Variants in RSRP1 observed in about 807,000 individuals in gnomAD.
RSRP1 encodes arginine and serine rich protein 1, also known as arginine/serine-rich protein 1.
RSRP1 carries 37 observed loss-of-function variants against 33.0 expected under a neutral mutation model. The observed-to-expected ratio is 1.12, with a 90% CI of 0.86 to 1.48. The LOEUF (loss-of-function observed/expected upper bound fraction) is 1.48. Among genes scored for constraint, RSRP1 ranks in the 40% most tolerant of loss-of-function variants. RSRP1 has a pLI of 0.00. For synonymous variants in RSRP1, 167 were observed against 158.7 expected (o/e 1.05, Z -0.40); for missense variants, 402 against 385.3 (o/e 1.04, Z -0.36).
At chr1:25,313,625 C>T (rs904487041) in intron 1 of RSRP1, among the ~76,000 whole-genome samples, 1 of 131,926 alleles carries the variant, frequency 7.6e-6, no homozygotes, top group Non-Finnish European at 1.8e-5. Context: ...AGAGGCAGAA[C>T]ACGTCATGCA....
chr1:25,255,302 G>A (rs771514798), intron 1 of RSRP1, among the ~76,000 whole-genome samples: 22 of 152,076 alleles, frequency 1.4e-4, no homozygotes, highest in Middle Eastern at 6.8e-3. Flanking sequence ...ATCCTTTCAC[G>A]GCCTCTACTT....
chr1:25,243,895 G>A (rs1490116626), intron 3 of RSRP1: 2 of 1,207,112 alleles, frequency 1.7e-6, no homozygotes, highest in African/African-American at 3.1e-5. Context: ...TTCTCAGGTT[G>A]AATCAAGTTC....
At chr1:25,260,830 C>G (rs1292748264) in intron 1 of RSRP1, among the ~76,000 whole-genome samples, 5 of 151,218 alleles carry the variant, frequency 3.3e-5, no homozygotes, top group Non-Finnish European at 7.4e-5. Flanking sequence ...CAGAGTCTCG[C>G]TCTATCGCCC....
chr1:25,244,084 CG>C, intron 3 of RSRP1: 1 of 1,206,574 alleles, frequency 8.3e-7, no homozygotes, highest in Non-Finnish European at 1.0e-6. Context: ...GCCCCCGAGA[CG>C]GGAGTCTTGC....
Position 25,331,857 on chromosome 1 carries a change from A to G in RSRP1, c.-67+6121T>C, listed in dbSNP as rs1645017405. ...CGGGTTCACGCCATTCTCCTGCCTC[A>G]GCCTCCGGAGTAGCTGGGACTACAG... On this transcript the variant is annotated intron_variant, in intron 1 of 1. Coordinates refer to the RSRP1 transcript ENST00000561867. 1.7e-5 allele frequency among the ~76,000 whole-genome samples: 2 copies of G among 120,178 alleles called. 1 individual carries two copies. Among genetic ancestry groups the G allele is most frequent in the African/African-American group, 5.7e-5 (2 of 35,072 alleles). 78.8% of individuals were successfully genotyped at this position (120,178 alleles called of 152,430 possible). A position where few individuals can be genotyped will look rare whatever the true frequency, so the allele number is the denominator to read the frequency against.
At chr1:25,286,208 G>T (rs759946608) in intron 1 of RSRP1, among the ~76,000 whole-genome samples, 1 of 135,560 alleles carries the variant, frequency 7.4e-6, no homozygotes, top group Non-Finnish European at 1.8e-5. Flanking sequence ...AGGTTTAGAG[G>T]CTGGGCATGG....
intron 1 of RSRP1, among the ~76,000 whole-genome samples, chr1:25,332,242 G>A (rs1645028714): frequency 7.9e-6 from 1 of 126,486 alleles, no homozygotes; most frequent in African/African-American, 2.7e-5. Context: ...TCACCATGTT[G>A]GCCAGGATGG....
chr1:25,312,950 A>AAAC (rs1644241297), intron 1 of RSRP1, among the ~76,000 whole-genome samples: 2 of 111,966 alleles, frequency 1.8e-5, no homozygotes, highest in African/African-American at 5.8e-5. Context: ...AAAAAAAAAA[A>AAAC]AAAAACTTTA....
chr1:25,309,360 C>G (rs1355258587), intron 1 of RSRP1, among the ~76,000 whole-genome samples: 3 of 131,276 alleles, frequency 2.3e-5, no homozygotes, highest in African/African-American at 7.9e-5. Context: ...CTGAGAATCT[C>G]TGCACCCTTC....
chr1:25,316,616 CAGA>C (rs1457024190), intron 1 of RSRP1, among the ~76,000 whole-genome samples: 1 of 43,148 alleles, frequency 2.3e-5, no homozygotes, highest in African/African-American at 7.7e-5. Context: ...CAAACAAAAA[CAGA>C]AAAAAAAAAA....
chr1:25,333,112 C>T lies in RSRP1; in HGVS notation c.-67+4866G>A, dbSNP rs1189936134. Among the ~76,000 whole-genome samples, 2 of 132,426 alleles carry T rather than the reference C, an allele frequency of 1.5e-5. 1 individual carries two copies. Among genetic ancestry groups the T allele is most frequent in the African/African-American group, 5.2e-5 (2 of 38,690 alleles). The allele number at this position is 132,426 out of a possible 152,430, so 86.9% of individuals were successfully genotyped here. A position where few individuals can be genotyped will look rare whatever the true frequency, so the allele number is the denominator to read the frequency against. On this transcript the variant is annotated intron_variant, in intron 1 of 1. Transcript: ENST00000561867. Reference sequence around the variant, plus strand: ...GCAGGAATGGAAGCGTGTATTCCAGCTCCAAGAGAGTAAGACCAATTTGCC... The same window carrying T: ...GCAGGAATGGAAGCGTGTATTCCAGTTCCAAGAGAGTAAGACCAATTTGCC...
At chr1:25,298,718 G>A (rs1643135742) in intron 1 of RSRP1, among the ~76,000 whole-genome samples, 1 of 131,456 alleles carries the variant, frequency 7.6e-6, no homozygotes, top group South Asian at 2.3e-4. Context: ...CTATATACCA[G>A]GGACTCTTGT....
chr1:25,254,792 CA>C (rs1639898240), intron 1 of RSRP1, among the ~76,000 whole-genome samples: 1 of 152,052 alleles, frequency 6.6e-6, no homozygotes, highest in Admixed American at 6.5e-5. Context: ...CCAGGGCAAG[CA>C]AAAGGACAAC....
chr1:25,284,781 CA>C (rs1641821637), intron 1 of RSRP1: 1 of 1,385,030 alleles, frequency 7.2e-7, no homozygotes, highest in Non-Finnish European at 1.0e-6. Flanking sequence ...GTGGCTGGAT[CA>C]CTTCTGGGTC....
At position 25,295,903 on chromosome 1, in the gene RSRP1, T is replaced by C. The variant is rs370296617; in HGVS notation, c.-67+42075A>G. Among the ~76,000 whole-genome samples the C allele has an allele frequency of 1.2e-3, 120 of 103,166 alleles. 5 individuals carry two copies. The highest frequency in any genetic ancestry group is 3.0e-3 in the East Asian group (12 of 3,996). The allele number at this position is 103,166 out of a possible 152,430, so 67.7% of individuals were successfully genotyped here. A position where few individuals can be genotyped will look rare whatever the true frequency, so the allele number is the denominator to read the frequency against. ...TTGAGATGGAGTTTCGCTGTTGTCATCCAGGCTGGATTGCAATGTTGCAAT... is the reference window on the plus strand; with the variant it reads ...TTGAGATGGAGTTTCGCTGTTGTCACCCAGGCTGGATTGCAATGTTGCAAT... On this transcript the variant is annotated intron_variant, in intron 1 of 1. Coordinates refer to the RSRP1 transcript ENST00000561867.
chr1:25,247,226 G>T, intron 1 of RSRP1, 83 bp downstream of exon 1: 1 of 433,878 alleles, frequency 2.3e-6, no homozygotes, highest in Non-Finnish European at 4.1e-6. Flanking sequence ...TTCCCCAAAC[G>T]CGGGGCCCGG....
At position 25,242,746 on chromosome 1, in the gene RSRP1, T is replaced by G. The variant is rs750196998; in HGVS notation, c.757-41A>C. 4 of 1,329,890 alleles carry G rather than the reference T, an allele frequency of 3.0e-6. No homozygotes were observed. The South Asian group carries it at 4.8e-5, about 16-fold the overall frequency. 82.4% of individuals were successfully genotyped at this position (1,329,890 alleles called of 1,614,324 possible). On this transcript the variant is annotated intron_variant, in intron 4 of 4. Coordinates refer to ENST00000243189, the MANE Select transcript of RSRP1 (RefSeq NM_020317.5). Reference sequence around the variant, plus strand: ...TTCAGTCAGCTTCCCAAACATACATTGTACACTTTTTTCACAAAAAAAAGT... The same window carrying G: ...TTCAGTCAGCTTCCCAAACATACATGGTACACTTTTTTCACAAAAAAAAGT...
chr1:25,297,072 A>T (rs1246765824), intron 1 of RSRP1, among the ~76,000 whole-genome samples: 1 of 128,608 alleles, frequency 7.8e-6, no homozygotes, highest in African/African-American at 2.7e-5. Context: ...AAAAATATAT[A>T]TTTTTTGTGG....
intron 3 of RSRP1, chr1:25,244,846 G>T: frequency 9.9e-7 from 1 of 1,006,862 alleles, no homozygotes; most frequent in Non-Finnish European, 1.3e-6. Flanking sequence ...ACCATGCCTG[G>T]CTAATTTTTG....
Sources: allele counts gnomAD v4.1 joint callset (sites outside exome capture counted in the v4.1 genomes callset), GRCh38; gene constraint gnomAD v4.1.1; transcripts MANE v1.5; gene names NCBI Gene and HGNC (gene_info 2026-07-23, HGNC 2026-07-21).